The following SLC43A1 variants were observed in gnomAD, a reference collection of about 807,000 sequenced individuals.
SLC43A1 encodes solute carrier family 43 member 1, also known as large neutral amino acids transporter small subunit 3.
Under a neutral mutation model 59.5 loss-of-function variants are expected in SLC43A1, and 31 were observed. That is an observed-to-expected ratio of 0.52 (90% CI 0.39 to 0.70). The LOEUF is 0.70. Ranked by LOEUF, SLC43A1 falls within the 30% of genes least tolerant of loss-of-function variation. SLC43A1 has a pLI of 0.00. For synonymous variants in SLC43A1, 259 were observed against 290.9 expected (o/e 0.89, Z 1.12); for missense variants, 598 against 717.8 (o/e 0.83, Z 1.91).
Position 57,491,541 on chromosome 11 carries a change from G to A in SLC43A1, c.1054+50C>T, listed in dbSNP as rs112839175. ...AGAGGAGTCCCGCCCCCTGAGAAGC[G>A]GGTTGCAGTGGGGTGGGCGTGAGCC... On this transcript the variant is annotated intron_variant, in intron 10 of 14. Transcript: ENST00000278426. 460 of 1,610,618 alleles carry A rather than the reference G, an allele frequency of 2.9e-4. 4 individuals are homozygous for A. The South Asian group carries it at 3.9e-3, about 14-fold the overall frequency.
In SLC43A1 at chr11:57,501,133, C is replaced by T. The variant is rs2135193236; in HGVS notation, c.332+19G>A. 1.2e-6 allele frequency: 2 copies of T among 1,612,928 alleles called. No homozygotes were observed. The highest frequency in any genetic ancestry group is 1.1e-5 in the South Asian group (1 of 91,038). ...GCACGGTCCCTGTCCTCCCGTTCCC[C>T]ATAGCCCAGCCACCTCACCTGCCAA... is the stretch of plus-strand genomic sequence containing the variant. On this transcript the variant is annotated intron_variant, in intron 3 of 14. Coordinates refer to ENST00000278426, the MANE Select transcript of SLC43A1 (RefSeq NM_003627.6).
intron 5 of SLC43A1, among the ~76,000 whole-genome samples, chr11:57,500,562 A>C (rs1310686962): frequency 6.6e-6 from 1 of 152,088 alleles, no homozygotes; most frequent in Non-Finnish European, 1.5e-5. Flanking sequence ...AAACACACAC[A>C]TTAACATACA....
At chr11:57,486,823 A>AAAAT (rs1350353686) in intron 14 of SLC43A1, among the ~76,000 whole-genome samples, 1 of 151,822 alleles carries the variant, frequency 6.6e-6, no homozygotes, top group African/African-American at 2.4e-5. Context: ...AATAAAAATA[A>AAAAT]AAATAAATAA....
Position 57,514,027 on chromosome 11 carries a change from C to A in SLC43A1, c.85G>T (p.Val29Leu). 1 of 1,595,882 alleles carries A rather than the reference C, an allele frequency of 6.3e-7. No individual in the cohort carries two copies. Among genetic ancestry groups the A allele is most frequent in the Non-Finnish European group, 8.5e-7 (1 of 1,169,610 alleles). ...AACAGGGAGCCCCAGCCCAGGAGTA[C>A]AGCAGAGAAGAAGAGGTTCTCCAGC... ...AVLENLFFSA[V>L]LLGWGSLLII... is the part of the protein sequence containing the mutation. Residue 29 changes from valine (V) to leucine (L), a missense_variant, in exon 2 of 15, where the codon GTA becomes TTA. Physicochemically the swap from Val to Leu is conservative, Grantham distance 32. Transcript: ENST00000278426. The surrounding 1 kb of genome is among the most constrained non-coding windows in gnomAD (Gnocchi z 5.5).
Position 57,491,298 on chromosome 11 carries a change from A to C in SLC43A1, c.1119T>G (p.Ile373Met). ...TGATCCGCCAGTCCATGATGTAGCC[A>C]ATGAGGGGGCAGGTGAGAAGGCACA... ...QLLCLLTCPL[I>M]GYIMDWRIKD... The change falls in exon 11 of 15, where the codon ATT becomes ATG. Residue 373 changes from isoleucine to methionine, a missense_variant. Ile to Met is a conservative substitution (Grantham distance 10, BLOSUM62 1). Transcript: ENST00000278426. 2 of 1,611,944 alleles carry C rather than the reference A, an allele frequency of 1.2e-6. No homozygotes were observed. Among genetic ancestry groups the C allele is most frequent in the East Asian group, 2.2e-5 (1 of 44,844 alleles).
Position 57,491,595 on chromosome 11 carries a change from C to G in SLC43A1, c.1050G>C (p.Glu350Asp), listed in dbSNP as rs751144165. The stretch of plus-strand genomic sequence containing the variant: ...GCCCTGCTTTCATAGCCCTACCTGT[C>G]TCTGCCACCTTTTGTTGCTGTTCAT... ...ETNEQQQKVA[E>D]TVGFYSSVFG... is the part of the protein sequence containing the mutation. The change falls in exon 10 of 15, where the codon GAG (glutamate) becomes GAC (aspartate). Residue 350 changes from glutamate to aspartate, a missense_variant. Glu to Asp is a conservative substitution (Grantham distance 45). Transcript: ENST00000278426. The G allele has an allele frequency of 4.3e-6, 7 of 1,614,162 alleles. No individual in the cohort carries two copies. The South Asian group carries it at 7.7e-5, about 18-fold the overall frequency.
At chr11:57,505,688 T>C (rs1447392363) in intron 2 of SLC43A1, among the ~76,000 whole-genome samples, 1 of 151,988 alleles carries the variant, frequency 6.6e-6, no homozygotes, top group Non-Finnish European at 1.5e-5. Context: ...AGCAGACTGA[T>C]TCAAAAGGAA....
At chr11:57,498,401 A>G (rs1253681910) in intron 5 of SLC43A1, among the ~76,000 whole-genome samples, 2 of 152,040 alleles carry the variant, frequency 1.3e-5, no homozygotes, top group African/African-American at 4.8e-5. Context: ...AGATCGCACC[A>G]CTGCACTTTA....
At chr11:57,490,596 A>T (rs1175475710) in intron 11 of SLC43A1, among the ~76,000 whole-genome samples, 1 of 152,178 alleles carries the variant, frequency 6.6e-6, no homozygotes, top group Admixed American at 6.5e-5. Flanking sequence ...ACTGACATAG[A>T]TTCTCCAACC....
At chr11:57,487,069 C>A (rs1943753998) in intron 14 of SLC43A1, 26 bp downstream of exon 14, 2 of 1,610,000 alleles carry the variant, frequency 1.2e-6, no homozygotes, top group African/African-American at 1.3e-5. Flanking sequence ...GGCTCCTGCT[C>A]CCCCCACACC....
rs1412811448 is a variant in SLC43A1, at chr11:57,491,344, A to G, written c.1073T>C (p.Val358Ala). ...VAETVGFYSSVFGAMQLLCLL... is the reference protein window; with the variant it reads ...VAETVGFYSSAFGAMQLLCLL... ...GCACAACAGCTGCATGGCCCCGAAG[A>G]CGGAGGAGTAGAACCCAACTGGGCA... The change falls in exon 11 of 15, where the codon GTC (valine) becomes GCC (alanine). Residue 358 changes from valine (V) to alanine (A), a missense_variant. Transcript: ENST00000278426. 6.3e-7 allele frequency: 1 copy of G among 1,599,608 alleles called. No individual in the cohort carries two copies. The highest frequency in any genetic ancestry group is 8.5e-7 in the Non-Finnish European group (1 of 1,172,776).
At position 57,496,155 on chromosome 11, in the gene SLC43A1, C is replaced by A; in HGVS notation, c.568G>T (p.Asp190Tyr). 1 of 1,614,002 alleles carries A rather than the reference C, an allele frequency of 6.2e-7. No individual in the cohort carries two copies. The highest frequency in any genetic ancestry group is 8.5e-7 in the Non-Finnish European group (1 of 1,179,958). ...ITFPGIKLIYDAGVAFVVIMF... is the reference protein window; with the variant it reads ...ITFPGIKLIYYAGVAFVVIMF... ...ATGACCACGAAGGCCACACCGGCAT[C>A]GTAGATCAGCTGTGAGAGGAGGGGG... The change falls in exon 7 of 15, where the codon GAT (aspartate) becomes TAT (tyrosine). Residue 190 changes from aspartate (D) to tyrosine (Y), a missense_variant. By Grantham distance (160) the Asp-to-Tyr change is radical (BLOSUM62 -3). Coordinates refer to ENST00000278426, the MANE Select transcript of SLC43A1 (RefSeq NM_003627.6).
chr11:57,496,836 C>G (rs1262930140), intron 6 of SLC43A1, among the ~76,000 whole-genome samples: 4 of 152,228 alleles, frequency 2.6e-5, no homozygotes, highest in Non-Finnish European at 5.9e-5. Flanking sequence ...CCTCCCCATA[C>G]CATCTGACCA....
Position 57,501,174 on chromosome 11 carries a change from G to A in SLC43A1, c.310C>T (p.Arg104Ter), listed in dbSNP as rs141374033. The change falls in exon 3 of 15, where the codon CGA becomes TGA. Residue 104 changes from arginine to a stop codon, truncating the protein, a stop_gained. Transcript: ENST00000278426. LOFTEE classifies it high-confidence loss of function. ...CACCTGCCAACCAGCCGCACGGGTC[G>A]GGGGCCAAAGCGGTCCATGAGGATC... ...LGILMDRFGP[R>*]PVRLVGSACF... The A allele has an allele frequency of 2.0e-5, 32 of 1,612,188 alleles. No individual in the cohort carries two copies. The highest frequency in any genetic ancestry group is 3.3e-5 in the Admixed American group (2 of 60,002).
At position 57,501,401 on chromosome 11, in the gene SLC43A1, G is replaced by C. The variant is rs771150821; in HGVS notation, c.155-72C>G. ...TGGGCACAGGAGACAGCAGCCCACA[G>C]TCAGGCGGCCTGCTTTCAAATCCCA... On this transcript the variant is annotated intron_variant, in intron 2 of 14. Transcript: ENST00000278426. 2.0e-6 allele frequency: 3 copies of C among 1,525,744 alleles called. No individual in the cohort carries two copies. The African/African-American group carries it at 4.1e-5, about 21-fold the overall frequency. 94.5% of individuals were successfully genotyped at this position (1,525,744 alleles called of 1,614,324 possible).
rs748072363 is a variant in SLC43A1, at chr11:57,489,215, G to A, written c.1335+36C>T. The A allele has an allele frequency of 3.5e-5, 57 of 1,611,862 alleles. 1 individual carries two copies. Among genetic ancestry groups the A allele is most frequent in the South Asian group, 2.5e-4 (23 of 90,942 alleles). ...TGGACCATCCCTTTGGAGGAGCCTC[G>A]GGAGGCAGGGAGAGGGGAAGGATGA... On this transcript the variant is annotated intron_variant, in intron 12 of 14. Transcript: ENST00000278426.
chr11:57,491,111 G>A (rs1304395031), intron 11 of SLC43A1, 113 bp downstream of exon 11: 1 of 1,307,616 alleles, frequency 7.6e-7, no homozygotes, highest in African/African-American at 1.5e-5. Context: ...AGGTACCCCT[G>A]ATCTCCTAGG....
At chr11:57,485,514 G>A (rs548264063) in intron 14 of SLC43A1, among the ~76,000 whole-genome samples, 75 of 152,320 alleles carry the variant, frequency 4.9e-4, no homozygotes, top group African/African-American at 1.7e-3. Context: ...TATGAGGAAG[G>A]CACAGCACTG....
chr11:57,513,811 C>G, intron 2 of SLC43A1, 147 bp downstream of exon 2: 1 of 676,390 alleles, frequency 1.5e-6, no homozygotes, highest in Non-Finnish European at 2.6e-6. Flanking sequence ...CACCCAATCT[C>G]CCCCTGAAGT....
Sources: allele counts gnomAD v4.1 joint callset (sites outside exome capture counted in the v4.1 genomes callset), GRCh38; gene constraint gnomAD v4.1.1; non-coding constraint Gnocchi (gnomAD v3.1); transcripts MANE v1.5; gene names NCBI Gene and HGNC (gene_info 2026-07-23, HGNC 2026-07-21).